Variants in PDE1A observed in about 807,000 individuals in gnomAD.
PDE1A encodes phosphodiesterase 1A, also known as dual specificity calcium/calmodulin-dependent 3',5'-cyclic nucleotide phosphodiesterase 1A.
PDE1A carries 35 observed loss-of-function variants against 61.7 expected under a neutral mutation model. The observed-to-expected ratio is 0.57, with a 90% CI of 0.43 to 0.75. The LOEUF is 0.75. Among genes scored for constraint, PDE1A ranks in the 30% least tolerant of loss-of-function variants. The pLI, the probability that PDE1A is intolerant of heterozygous loss-of-function variation, is 0.00. For missense variants in PDE1A, 597 were observed against 630.6 expected, an observed-to-expected ratio of 0.95 and a Z score of 0.57; for synonymous variants, 232 against 213.2, an observed-to-expected ratio of 1.09 and a Z score of -0.77.
chr2:182,424,513 G>A (rs964994139), intron 1 of PDE1A, among the ~76,000 whole-genome samples: 5 of 152,142 alleles, frequency 3.3e-5, no homozygotes, highest in African/African-American at 1.2e-4. Context: ...TGAGATGCCA[G>A]ACAGCCTAGG....
At chr2:182,245,728 T>C (rs1299961412) in intron 2 of PDE1A, among the ~76,000 whole-genome samples, 1 of 152,224 alleles carries the variant, frequency 6.6e-6, no homozygotes, top group African/African-American at 2.4e-5. Flanking sequence ...ATTGTGTGCA[T>C]AGATAGTCTA....
At chr2:182,374,535 A>T (rs1225948198) in intron 1 of PDE1A, among the ~76,000 whole-genome samples, 3 of 152,196 alleles carry the variant, frequency 2.0e-5, no homozygotes, top group Admixed American at 6.5e-5. Flanking sequence ...CATTAAGAAA[A>T]TAAAAATTCA....
the PDE1A span, among the ~76,000 whole-genome samples, chr2:182,701,549 T>G: frequency 1.6e-3 from 239 of 151,974 alleles, 1 homozygote; most frequent in Non-Finnish European, 2.4e-3. Flanking sequence ...CCAGTCTAAT[T>G]TTTGTATTTT....
chr2:182,370,861 A>G (rs569057633), intron 1 of PDE1A, among the ~76,000 whole-genome samples: 12 of 152,338 alleles, frequency 7.9e-5, no homozygotes, highest in Admixed American at 2.0e-4. Context: ...ATCATTGAAC[A>G]TGCTGAAGTT....
chr2:182,568,315 T>C, the PDE1A span, among the ~76,000 whole-genome samples: 1 of 152,230 alleles, frequency 6.6e-6, no homozygotes, highest in Non-Finnish European at 1.5e-5. Flanking sequence ...TTAGCTGTTA[T>C]TAAAACTTTG....
the PDE1A span, among the ~76,000 whole-genome samples, chr2:182,636,254 G>A: frequency 3.1e-4 from 47 of 152,130 alleles, 2 homozygotes; most frequent in South Asian, 6.4e-3. Flanking sequence ...CATTGAGCCC[G>A]GCCTCACCTG....
chr2:182,378,191 G>C (rs534364737), intron 1 of PDE1A, among the ~76,000 whole-genome samples: 20 of 152,234 alleles, frequency 1.3e-4, no homozygotes, highest in Non-Finnish European at 2.9e-5. Flanking sequence ...AAAACAACAT[G>C]AATTATCTCA....
upstream of PDE1A, among the ~76,000 whole-genome samples, chr2:182,427,696 T>C (rs1459691081): frequency 6.6e-6 from 1 of 152,186 alleles, no homozygotes; most frequent in Non-Finnish European, 1.5e-5. Context: ...AGATTTACAC[T>C]GCGGGAACTC....
the PDE1A span, among the ~76,000 whole-genome samples, chr2:182,656,946 C>A: frequency 6.6e-6 from 1 of 152,102 alleles, no homozygotes; most frequent in Admixed American, 6.5e-5. Context: ...CACAACTGGC[C>A]AGGTGCGGTG....
intron 1 of PDE1A, among the ~76,000 whole-genome samples, chr2:182,297,367 G>T (rs1160143293): frequency 6.6e-6 from 1 of 151,926 alleles, no homozygotes; most frequent in African/African-American, 2.4e-5. Context: ...CCTGAGCCCA[G>T]TGGAGAAAAA....
intron 13 of PDE1A, among the ~76,000 whole-genome samples, chr2:182,152,609 C>CG (rs1559118382): frequency 1.3e-5 from 2 of 151,598 alleles, no homozygotes; most frequent in African/African-American, 4.8e-5. Context: ...TTAGTAGAGA[C>CG]GGGGTTTCGC....
At chr2:182,527,372 ATAC>A, upstream of PDE1A, among the ~76,000 whole-genome samples, 1 of 109,578 alleles carries the variant, frequency 9.1e-6, no homozygotes, top group Non-Finnish European at 1.9e-5. Flanking sequence ...ATATATATAT[ATAC>A]ACATATATAT....
chr2:182,273,793 C>A (rs1008831476), intron 1 of PDE1A, among the ~76,000 whole-genome samples: 1 of 151,986 alleles, frequency 6.6e-6, no homozygotes, highest in Admixed American at 6.6e-5. Context: ...TCCTGAAGCA[C>A]TAAGGTGGTG....
At chr2:182,654,960 C>A in the PDE1A span, among the ~76,000 whole-genome samples, 27 of 152,276 alleles carry the variant, frequency 1.8e-4, 1 homozygote, top group South Asian at 3.9e-3. Context: ...ATTCATCTGG[C>A]CTTTTTGCTC....
chr2:182,217,491 A>G (rs1443687603), intron 7 of PDE1A, among the ~76,000 whole-genome samples: 1 of 136,110 alleles, frequency 7.3e-6, no homozygotes, highest in Non-Finnish European at 1.6e-5. Context: ...AACCTACAAA[A>G]TGGGAGAAAA....
chr2:182,498,575 TACTGAAAGGCATGTATTTCCAG>T (rs563521874), intron 2 of PDE1A, among the ~76,000 whole-genome samples: 73 of 152,168 alleles, frequency 4.8e-4, no homozygotes, highest in African/African-American at 1.3e-3. Context: ...ATATTCTCCA[TACTGAAAGGCATGTATTTCCAG>T]ACTGAAAGGC....
At chr2:182,513,611 G>A (rs1438172317) in intron 2 of PDE1A, among the ~76,000 whole-genome samples, 8 of 152,180 alleles carry the variant, frequency 5.3e-5, no homozygotes, top group African/African-American at 9.6e-5. Context: ...AACCTTGGAC[G>A]TAAACAGGCT....
At chr2:182,162,998 A>T (rs917034079), downstream of PDE1A, among the ~76,000 whole-genome samples, 2 of 152,160 alleles carry the variant, frequency 1.3e-5, no homozygotes, top group Non-Finnish European at 2.9e-5. Flanking sequence ...AATAGAAAAC[A>T]AGGTAGCATT....
chr2:182,629,667 C>A, the PDE1A span, among the ~76,000 whole-genome samples: 2 of 152,122 alleles, frequency 1.3e-5, no homozygotes. Context: ...CTATTATGGG[C>A]ATTCACTTTG....
Sources: allele counts gnomAD v4.1 joint callset (sites outside exome capture counted in the v4.1 genomes callset), GRCh38; gene constraint gnomAD v4.1.1; transcripts MANE v1.5; gene names NCBI Gene and HGNC (gene_info 2026-07-23, HGNC 2026-07-21).